JAZF1: variants seen among roughly 807,000 people sequenced by gnomAD.
The protein encoded by JAZF1 is juxtaposed with another zinc finger protein 1.
In JAZF1, 8 loss-of-function variants were observed where a neutral mutation model predicts 26.4. The observed-to-expected ratio is 0.30, with a 90% CI of 0.18 to 0.55. The LOEUF is 0.55. JAZF1 is among the 20% of genes least tolerant of loss of function. JAZF1 has a pLI of 0.94. For synonymous variants in JAZF1, 126 were observed against 122.3 expected (o/e 1.03, Z -0.20); for missense variants, 199 against 322.0 (o/e 0.62, Z 2.92).
intron 1 of JAZF1, among the ~76,000 whole-genome samples, chr7:27,994,451 AAAAC>A (rs1249122606): frequency 1.5e-5 from 1 of 65,458 alleles, no homozygotes; most frequent in African/African-American, 5.6e-5. Context: ...CAAAAAAAAA[AAAAC>A]AAAAAACAAA....
At chr7:27,862,034 AT>A (rs1783390997) in intron 3 of JAZF1, among the ~76,000 whole-genome samples, 1 of 152,094 alleles carries the variant, frequency 6.6e-6, no homozygotes, top group African/African-American at 2.4e-5. Context: ...CACGGGAGGG[AT>A]GGCAGCTGCC....
At chr7:28,139,451 T>G (rs1325934363) in intron 1 of JAZF1, among the ~76,000 whole-genome samples, 1 of 152,256 alleles carries the variant, frequency 6.6e-6, no homozygotes, top group Non-Finnish European at 1.5e-5. Flanking sequence ...GTGTGATTGG[T>G]GTCCCTATAA....
intron 1 of JAZF1, chr7:28,180,259 C>T (rs1783621032): frequency 7.7e-6 from 1 of 130,702 alleles, no homozygotes; most frequent in African/African-American, 2.8e-5. Flanking sequence ...TCGGGGCGCC[C>T]GCCCCCTCCC....
chr7:27,894,293 A>C (rs1005420778), intron 3 of JAZF1, among the ~76,000 whole-genome samples: 1 of 152,192 alleles, frequency 6.6e-6, no homozygotes, highest in East Asian at 1.9e-4. Context: ...TCAGCCTCCC[A>C]AAGTGCTGTG....
At chr7:27,917,741 A>G (rs1000281926) in intron 2 of JAZF1, among the ~76,000 whole-genome samples, 1 of 152,232 alleles carries the variant, frequency 6.6e-6, no homozygotes, top group African/African-American at 2.4e-5. Context: ...ACCAGTATTC[A>G]GAAGCCAAGC....
intron 1 of JAZF1, chr7:28,071,524 T>C: frequency 2.3e-6 from 1 of 441,620 alleles, no homozygotes; most frequent in South Asian, 1.7e-5. Flanking sequence ...GGTTTTTCAA[T>C]AAATATATTA....
At chr7:27,942,786 A>G (rs1350961658) in intron 2 of JAZF1, among the ~76,000 whole-genome samples, 2 of 152,220 alleles carry the variant, frequency 1.3e-5, no homozygotes, top group African/African-American at 2.4e-5. Flanking sequence ...CACTCTAATT[A>G]TAAGGAACAA....
intron 2 of JAZF1, among the ~76,000 whole-genome samples, chr7:27,969,431 G>A (rs1047016274): frequency 1.4e-4 from 22 of 152,200 alleles, no homozygotes; most frequent in African/African-American, 5.1e-4. Flanking sequence ...GAAGCTGCTT[G>A]GAGGGCTTCT....
At chr7:27,891,832 C>T (rs938872229) in intron 3 of JAZF1, among the ~76,000 whole-genome samples, 4 of 152,126 alleles carry the variant, frequency 2.6e-5, no homozygotes, top group African/African-American at 9.7e-5. Context: ...TACAGTAAGA[C>T]CCTGTTTCAA....
chr7:28,034,469 T>TACACACACACACACACACAC (rs59979673), intron 1 of JAZF1, among the ~76,000 whole-genome samples: 7 of 145,396 alleles, frequency 4.8e-5, no homozygotes, highest in South Asian at 4.6e-4. Context: ...AGAAAACTAA[T>TACACACACACACACACACAC]ACACACACAC....
intron 1 of JAZF1, among the ~76,000 whole-genome samples, chr7:28,021,371 G>C (rs1783004501): frequency 1.3e-5 from 2 of 152,300 alleles, no homozygotes; most frequent in South Asian, 2.1e-4. Flanking sequence ...ATCTGAACAT[G>C]ATCTGTGAGC....
At chr7:28,087,720 A>G (rs1314237897) in intron 1 of JAZF1, among the ~76,000 whole-genome samples, 1 of 152,212 alleles carries the variant, frequency 6.6e-6, no homozygotes, top group Non-Finnish European at 1.5e-5. Context: ...ATCAGTCGAC[A>G]TAAGGTTTTT....
At chr7:27,943,234 G>A (rs140768916) in intron 2 of JAZF1, among the ~76,000 whole-genome samples, 5 of 152,216 alleles carry the variant, frequency 3.3e-5, no homozygotes, top group East Asian at 1.9e-4. Flanking sequence ...CCCTACATCC[G>A]GACTGCCTGG....
At chr7:28,113,669 T>C (rs1784697948) in intron 1 of JAZF1, among the ~76,000 whole-genome samples, 2 of 152,306 alleles carry the variant, frequency 1.3e-5, no homozygotes, top group South Asian at 4.1e-4. Context: ...TACTCAATAA[T>C]GAGGGCTTAA....
intron 1 of JAZF1, among the ~76,000 whole-genome samples, chr7:27,999,466 T>C (rs1037058868): frequency 2.0e-5 from 3 of 152,134 alleles, no homozygotes; most frequent in Admixed American, 1.3e-4. Context: ...AACATGAGGC[T>C]CTCGAATTCA....
chr7:27,874,368 G>C (rs1280242637), intron 3 of JAZF1, among the ~76,000 whole-genome samples: 1 of 152,172 alleles, frequency 6.6e-6, no homozygotes, highest in Admixed American at 6.5e-5. Flanking sequence ...GTATGGTTCA[G>C]CACACCTCTG....
chr7:27,973,467 T>A (rs949576469), intron 2 of JAZF1, among the ~76,000 whole-genome samples: 1 of 152,098 alleles, frequency 6.6e-6, no homozygotes, highest in African/African-American at 2.4e-5. Context: ...CCAGCTAATT[T>A]AAAAATTTTT....
intron 2 of JAZF1, among the ~76,000 whole-genome samples, chr7:27,982,464 C>T (rs1043068358): frequency 2.6e-5 from 4 of 152,280 alleles, no homozygotes; most frequent in Admixed American, 6.5e-5. Context: ...AGCTCGAACT[C>T]GGTGGAGGCC....
intron 1 of JAZF1, among the ~76,000 whole-genome samples, chr7:28,113,718 G>A (rs1201300630): frequency 2.0e-5 from 3 of 152,176 alleles, no homozygotes; most frequent in Non-Finnish European, 4.4e-5. Context: ...CCACTACGTA[G>A]TGACAGTCCT....
Sources: gnomAD v4.1 joint callset for allele counts (sites outside exome capture counted in the v4.1 genomes callset) on GRCh38, gnomAD v4.1.1 for gene constraint, MANE v1.5 for transcripts, NCBI Gene and HGNC (gene_info 2026-07-23, HGNC 2026-07-21) for gene names.